FAM83B: variants seen among roughly 807,000 people sequenced by gnomAD.
The protein encoded by FAM83B is scaffolding CK1 anchoring protein B, also known as protein FAM83B.
Under a neutral mutation model 38.8 loss-of-function variants are expected in FAM83B, and 26 were observed. The observed-to-expected ratio is 0.67, with a 90% CI of 0.49 to 0.93. The LOEUF is 0.93. FAM83B is among the 40% of genes least tolerant of loss of function. The pLI is 0.00. For missense variants in FAM83B, 1,237 were observed against 1,197.3 expected (o/e 1.03, Z -0.49); for synonymous variants, 419 against 423.1 (o/e 0.99, Z 0.12).
chr6:54,877,482 G>A (rs954704364), intron 2 of FAM83B, among the ~76,000 whole-genome samples: 5 of 152,038 alleles, frequency 3.3e-5, no homozygotes, highest in Non-Finnish European at 7.4e-5. Flanking sequence ...TCCATCATGT[G>A]GCATATATTT....
intron 1 of FAM83B, among the ~76,000 whole-genome samples, chr6:54,847,851 G>T (rs1771178244): frequency 6.6e-6 from 1 of 152,150 alleles, no homozygotes; most frequent in Non-Finnish European, 1.5e-5. Flanking sequence ...CACTTAAGAA[G>T]AAGGTGTGCG....
rs1772913038 is a variant in FAM83B at position 54,911,748 on chromosome 6, A to G, written c.445-14623A>G. Among the ~76,000 whole-genome samples, 3 of 152,124 alleles carry G rather than the reference A, an allele frequency of 2.0e-5. No individual in the cohort carries two copies. In the South Asian group the frequency reaches 6.2e-4, roughly 31 times the overall value. ...CTCTTGCCATTTTATGTTTCTGAAAATGAAGTCTCAAGAAATCTAAATTAT... is the reference window on the plus strand; with the variant it reads ...CTCTTGCCATTTTATGTTTCTGAAAGTGAAGTCTCAAGAAATCTAAATTAT... On this transcript the variant is annotated intron_variant, in intron 2 of 4. Transcript: ENST00000306858.
At chr6:54,938,923 G>A in intron 4 of FAM83B, among the ~76,000 whole-genome samples, 1 of 152,020 alleles carries the variant, frequency 6.6e-6, no homozygotes, top group South Asian at 2.1e-4. Flanking sequence ...TCTTGGTCAT[G>A]AATTCTTTGC....
intron 2 of FAM83B, among the ~76,000 whole-genome samples, chr6:54,898,909 GTTTGAAGTGTC>G (rs1271725409): frequency 6.6e-6 from 1 of 152,042 alleles, no homozygotes; most frequent in Non-Finnish European, 1.5e-5. Context: ...CTTCTGTAAG[GTTTGAAGTGTC>G]TTTTCTATTA....
At chr6:54,851,459 T>TTTTG (rs1403474226) in intron 1 of FAM83B, among the ~76,000 whole-genome samples, 1 of 152,016 alleles carries the variant, frequency 6.6e-6, no homozygotes, top group African/African-American at 2.4e-5. Flanking sequence ...TTACATTTTG[T>TTTTG]TTTGTTTTGT....
chr6:54,902,405 A>C (rs1272699271), intron 2 of FAM83B, among the ~76,000 whole-genome samples: 1 of 152,092 alleles, frequency 6.6e-6, no homozygotes, highest in Non-Finnish European at 1.5e-5. Context: ...TTCTACAGGT[A>C]GAGATTCCTT....
intron 2 of FAM83B, among the ~76,000 whole-genome samples, chr6:54,893,196 G>A (rs1351231030): frequency 1.3e-5 from 2 of 152,162 alleles, no homozygotes; most frequent in African/African-American, 4.8e-5. Context: ...AAGTGTGGTT[G>A]TAAGCCACTA....
intron 4 of FAM83B, among the ~76,000 whole-genome samples, chr6:54,938,360 T>A (rs976284696): frequency 6.6e-6 from 1 of 152,200 alleles, no homozygotes; most frequent in Middle Eastern, 3.2e-3. Flanking sequence ...TATAATAACT[T>A]CTTTTCCTCT....
At chr6:54,862,168 G>C (rs1771600578) in intron 1 of FAM83B, among the ~76,000 whole-genome samples, 1 of 152,178 alleles carries the variant, frequency 6.6e-6, no homozygotes, top group Admixed American at 6.5e-5. Flanking sequence ...ACATACATCA[G>C]AGTTATAATA....
intron 2 of FAM83B, among the ~76,000 whole-genome samples, chr6:54,922,448 C>A (rs934741234): frequency 6.6e-6 from 1 of 151,778 alleles, no homozygotes; most frequent in Non-Finnish European, 1.5e-5. Flanking sequence ...TATCATTACA[C>A]CCCTCATTAA....
chr6:54,895,892 T>C (rs946699958), intron 2 of FAM83B, among the ~76,000 whole-genome samples: 8 of 151,950 alleles, frequency 5.3e-5, no homozygotes, highest in Non-Finnish European at 1.0e-4. Flanking sequence ...CTTTTTGTTT[T>C]GTTTTGTTTT....
chr6:54,902,155 C>CA (rs1162230212), intron 2 of FAM83B, among the ~76,000 whole-genome samples: 18 of 152,172 alleles, frequency 1.2e-4, no homozygotes, highest in African/African-American at 4.3e-4. Flanking sequence ...AATTGTCCTC[C>CA]ATGATCTGAC....
At position 54,881,693 on chromosome 6, in the gene FAM83B, C is replaced by T. The variant is rs1452087147; in HGVS notation, c.444+11003C>T. ...TTGGGCAATGAGAAATTGAGAAAGTCCAAAGTCACCCATTTGGTGACCATA... is the reference window on the plus strand; with the variant it reads ...TTGGGCAATGAGAAATTGAGAAAGTTCAAAGTCACCCATTTGGTGACCATA... On this transcript the variant is annotated intron_variant, in intron 2 of 4. Coordinates refer to ENST00000306858, the MANE Select transcript of FAM83B (RefSeq NM_001010872.3). 3.3e-5 allele frequency among the ~76,000 whole-genome samples: 5 copies of T among 152,226 alleles called. No homozygotes were observed. In the East Asian group the frequency reaches 7.7e-4, roughly 24 times the overall value.
intron 2 of FAM83B, among the ~76,000 whole-genome samples, chr6:54,907,578 G>C (rs1297922563): frequency 6.8e-6 from 1 of 147,930 alleles, no homozygotes; most frequent in Non-Finnish European, 1.5e-5. Context: ...TGAGACTGAG[G>C]AAGTAGAAGA....
At chr6:54,885,446 T>A (rs1772252360) in intron 2 of FAM83B, among the ~76,000 whole-genome samples, 1 of 152,226 alleles carries the variant, frequency 6.6e-6, no homozygotes, top group East Asian at 1.9e-4. Flanking sequence ...GGAAATATAT[T>A]TTTTGTATAT....
chr6:54,865,606 C>T (rs1722926561), intron 1 of FAM83B, among the ~76,000 whole-genome samples: 1 of 152,108 alleles, frequency 6.6e-6, no homozygotes, highest in Non-Finnish European at 1.5e-5. Flanking sequence ...GATGTTAGCA[C>T]CTGTGATATT....
chr6:54,931,526 C>T (rs1416197795), intron 4 of FAM83B, among the ~76,000 whole-genome samples: 2 of 151,458 alleles, frequency 1.3e-5, no homozygotes, highest in East Asian at 1.9e-4. Context: ...GTGAATTGAC[C>T]CCTTTTTTAT....
At chr6:54,908,577 T>G (rs1772829045) in intron 2 of FAM83B, among the ~76,000 whole-genome samples, 2 of 152,190 alleles carry the variant, frequency 1.3e-5, no homozygotes, top group Admixed American at 1.3e-4. Context: ...TAGGTGCTTT[T>G]ATAATTGAAG....
intron 1 of FAM83B, among the ~76,000 whole-genome samples, chr6:54,850,265 A>C (rs2127570682): frequency 6.6e-6 from 1 of 152,320 alleles, no homozygotes; most frequent in South Asian, 2.1e-4. Context: ...TTGACAAAGT[A>C]TTAACATTCT....
Sources: gnomAD v4.1 joint callset for allele counts (sites outside exome capture counted in the v4.1 genomes callset) on GRCh38, gnomAD v4.1.1 for gene constraint, MANE v1.5 for transcripts, NCBI Gene and HGNC (gene_info 2026-07-23, HGNC 2026-07-21) for gene names.